DISP1: variants seen among roughly 807,000 people sequenced by gnomAD.
DISP1 encodes the protein dispatched RND transporter family member 1.
In DISP1, 30 loss-of-function variants were observed where a neutral mutation model predicts 37.3. That is an observed-to-expected ratio of 0.80 (90% CI 0.60 to 1.09). DISP1 has a LOEUF of 1.09. DISP1 is among the 50% of genes least tolerant of loss of function. The pLI, the probability that DISP1 is intolerant of heterozygous loss-of-function variation, is 0.00. For missense variants in DISP1, 1,598 were observed against 1,879.5 expected (o/e 0.85, Z 2.77); for synonymous variants, 634 against 690.2 (o/e 0.92, Z 1.28).
chr1:222,915,759 C>T (rs1342673163), intron 1 of DISP1, among the ~76,000 whole-genome samples: 1 of 152,200 alleles, frequency 6.6e-6, no homozygotes, highest in Non-Finnish European at 1.5e-5. Context: ...ATAAATGTCT[C>T]TTCTGTTTCT....
intron 1 of DISP1, among the ~76,000 whole-genome samples, chr1:222,817,623 G>A (rs1410517511): frequency 6.6e-6 from 1 of 152,352 alleles, no homozygotes; most frequent in South Asian, 2.1e-4. Context: ...CTGCTGCACT[G>A]CCTCTGATGA....
At chr1:222,852,845 A>G (rs1004659423) in intron 1 of DISP1, among the ~76,000 whole-genome samples, 1 of 152,168 alleles carries the variant, frequency 6.6e-6, no homozygotes, top group African/African-American at 2.4e-5. Flanking sequence ...TAGAACATAG[A>G]TAATACAATG....
At chr1:222,951,677 A>G (rs74145600) in intron 3 of DISP1, among the ~76,000 whole-genome samples, 12,659 of 152,246 alleles carry the variant, frequency 0.083, 1,741 homozygotes, top group African/African-American at 0.29. Context: ...ATTCAGAGTT[A>G]GTTATTCACT....
At chr1:222,815,533 C>T (rs1371375546) in intron 1 of DISP1, among the ~76,000 whole-genome samples, 1 of 152,148 alleles carries the variant, frequency 6.6e-6, no homozygotes, top group Non-Finnish European at 1.5e-5. Flanking sequence ...ACGTCTTGAC[C>T]TAACGAACCA....
chr1:222,850,046 A>C (rs1668134599), intron 1 of DISP1, among the ~76,000 whole-genome samples: 1 of 152,160 alleles, frequency 6.6e-6, no homozygotes, highest in Non-Finnish European at 1.5e-5. Flanking sequence ...CAGTATTCTA[A>C]ACATTTCTCT....
At chr1:222,887,277 C>T (rs1670647889) in intron 1 of DISP1, among the ~76,000 whole-genome samples, 1 of 152,108 alleles carries the variant, frequency 6.6e-6, no homozygotes, top group Admixed American at 6.5e-5. Context: ...ACCTGAAGTA[C>T]AAGCCCTTAT....
At chr1:222,851,469 G>A (rs567926409) in intron 1 of DISP1, among the ~76,000 whole-genome samples, 36 of 152,138 alleles carry the variant, frequency 2.4e-4, no homozygotes, top group African/African-American at 8.4e-4. Context: ...AGGATGTAGC[G>A]ACCCTTCCCT....
At chr1:222,873,491 G>A (rs1348758558) in intron 1 of DISP1, among the ~76,000 whole-genome samples, 1 of 152,134 alleles carries the variant, frequency 6.6e-6, no homozygotes, top group African/African-American at 2.4e-5. Context: ...AGGATAGTTA[G>A]CTCTTCTTGT....
chr1:222,958,259 C>A (rs765845867), intron 3 of DISP1, among the ~76,000 whole-genome samples: 11 of 152,064 alleles, frequency 7.2e-5, no homozygotes, highest in Non-Finnish European at 1.6e-4. Context: ...ATGTTTCCAG[C>A]GGGAAAATTG....
chr1:222,950,589 G>C (rs1675145991), intron 3 of DISP1, among the ~76,000 whole-genome samples: 1 of 150,242 alleles, frequency 6.7e-6, no homozygotes, highest in Admixed American at 6.7e-5. Context: ...GACAGAGCGA[G>C]ACTCCGTCTC....
intron 1 of DISP1, among the ~76,000 whole-genome samples, chr1:222,833,625 T>C (rs1042807438): frequency 6.6e-6 from 1 of 152,216 alleles, no homozygotes; most frequent in Non-Finnish European, 1.5e-5. Flanking sequence ...GCTTTCCTCC[T>C]ATGACCATTG....
chr1:223,004,564 A>AT lies in DISP1; in HGVS notation c.3168dup (p.Gly1057TrpfsTer91). Reference sequence around the variant, plus strand: ...TTGTCTGTAGACTTTGCCGTCCATTATGGGGTTGCCTACCGCTTGGCTCCA... The same window carrying AT: ...TTGTCTGTAGACTTTGCCGTCCATTATTGGGGTTGCCTACCGCTTGGCTCCA... On this transcript the variant is annotated frameshift_variant, in exon 9 of 9. Coordinates refer to ENST00000675850, the MANE Select transcript of DISP1 (RefSeq NM_001377229.1). LOFTEE classifies it low-confidence loss of function (END_TRUNC). This position sits in a 1 kb window ranked among gnomAD's most constrained non-coding sequence, Gnocchi z 4.9. 6.2e-7 allele frequency: 1 copy of AT among 1,613,998 alleles called. No homozygotes were observed. Among genetic ancestry groups the AT allele is most frequent in the Non-Finnish European group, 8.5e-7 (1 of 1,179,990 alleles).
chr1:222,951,559 G>T (rs1403865169), intron 3 of DISP1, among the ~76,000 whole-genome samples: 1 of 100,236 alleles, frequency 1.0e-5, no homozygotes, highest in Non-Finnish European at 2.1e-5. Context: ...CATCAACATT[G>T]TGGCATGAAC....
At chr1:222,830,556 A>G in intron 1 of DISP1, among the ~76,000 whole-genome samples, 1 of 151,908 alleles carries the variant, frequency 6.6e-6, no homozygotes, top group South Asian at 2.1e-4. Context: ...ACTTTTTTGT[A>G]TTTTTAGTAG....
intron 4 of DISP1, among the ~76,000 whole-genome samples, chr1:222,984,170 A>T (rs1268128735): frequency 6.6e-6 from 1 of 151,958 alleles, no homozygotes; most frequent in South Asian, 2.1e-4. Context: ...CTTTGGGAGG[A>T]TGAGGCAGGC....
Position 222,943,056 on chromosome 1 carries a change from T to A in DISP1, c.233T>A (p.Leu78Ter), listed in dbSNP as rs1273739150. 1 of 1,614,190 alleles carries A rather than the reference T, an allele frequency of 6.2e-7. No individual in the cohort carries two copies. Among genetic ancestry groups the A allele is most frequent in the South Asian group, 1.1e-5 (1 of 91,074 alleles). Residue 78 changes from leucine to a stop codon, truncating the protein, a stop_gained, in exon 3 of 9, where the codon TTA becomes TAA. Transcript: ENST00000675850. LOFTEE classifies it high-confidence loss of function. ...PLDNQRMPQMLPQCCHPCPYH... is the reference protein window; with the variant it reads ...PLDNQRMPQM ...GACAACCAAAGAATGCCTCAGATGT[T>A]ACCCCAATGCTGCCATCCTTGCCCA...
intron 4 of DISP1, among the ~76,000 whole-genome samples, chr1:222,984,403 C>CAAA (rs143486728): frequency 0.093 from 2,776 of 29,942 alleles, 158 homozygotes; most frequent in Middle Eastern, 0.19. Context: ...GACTCTGTCT[C>CAAA]AAAAAAAAAA....
At chr1:222,852,437 A>T (rs772471070) in intron 1 of DISP1, among the ~76,000 whole-genome samples, 1 of 151,802 alleles carries the variant, frequency 6.6e-6, no homozygotes, top group Non-Finnish European at 1.5e-5. Context: ...GAACTGCTGG[A>T]CTCAAGTGAT....
chr1:222,910,456 C>T (rs1013551192), intron 1 of DISP1, among the ~76,000 whole-genome samples: 29 of 152,226 alleles, frequency 1.9e-4, no homozygotes, highest in African/African-American at 7.0e-4. Context: ...ATTCACATAA[C>T]CTTTCTAAAA....
Sources: gnomAD v4.1 joint callset for allele counts (sites outside exome capture counted in the v4.1 genomes callset) on GRCh38, gnomAD v4.1.1 for gene constraint, Gnocchi (gnomAD v3.1) non-coding constraint, MANE v1.5 for transcripts, NCBI Gene and HGNC (gene_info 2026-07-23, HGNC 2026-07-21) for gene names.